SNAP25: variants seen among roughly 807,000 people sequenced by gnomAD.
The protein encoded by SNAP25 is synaptosome associated protein 25.
In SNAP25, 3 loss-of-function variants were observed where a neutral mutation model predicts 28.7. The observed-to-expected ratio is 0.10, with a 90% CI of 0.05 to 0.27. The LOEUF is 0.27. Among genes scored for constraint, SNAP25 ranks in the 10% least tolerant of loss-of-function variants. The pLI is 1.00. For missense variants in SNAP25, 117 were observed against 278.7 expected, an observed-to-expected ratio of 0.42 and a Z score of 4.13; for synonymous variants, 61 against 88.1, an observed-to-expected ratio of 0.69 and a Z score of 1.72.
At chr20:10,263,709 G>A (rs1413698032) in intron 1 of SNAP25, among the ~76,000 whole-genome samples, 2 of 152,152 alleles carry the variant, frequency 1.3e-5, no homozygotes, top group Non-Finnish European at 2.9e-5. Flanking sequence ...CATCAGTTCT[G>A]TCCTAGGATG....
At position 10,293,012 on chromosome 20, in the gene SNAP25, T is replaced by A. The variant is rs756482745; in HGVS notation, c.164-149T>A. ...GTCCTTGTAACAAGTAGGTACTGGG[T>A]ACCAGCTCTAATCTGTGGCGTCCAG... is the stretch of plus-strand genomic sequence containing the variant. On this transcript the variant is annotated intron_variant, in intron 4 of 7. Transcript: ENST00000254976. The surrounding 1 kb of genome is among the most constrained non-coding windows in gnomAD (Gnocchi z 5.6). 2 of 1,543,372 alleles carry A rather than the reference T, an allele frequency of 1.3e-6. No individual in the cohort carries two copies. Among genetic ancestry groups the A allele is most frequent in the Middle Eastern group, 3.4e-4 (2 of 5,830 alleles).
rs362594 is a variant in SNAP25 at position 10,292,322 on chromosome 20, C to T, written c.164-839C>T. On this transcript the variant is annotated intron_variant, in intron 4 of 7. Transcript: ENST00000254976. ...CTTTTACGAATTACATATGCACAAT[C>T]AAGTGCAGACCATGGCTACCTCTGG... Among the ~76,000 whole-genome samples the T allele has an allele frequency of 4.4e-3, 672 of 152,308 alleles. 1 individual carries two copies. The highest frequency in any genetic ancestry group is 0.012 in the South Asian group (58 of 4,822).
intron 1 of SNAP25, among the ~76,000 whole-genome samples, chr20:10,226,900 G>T (rs956446706): frequency 2.0e-5 from 3 of 151,982 alleles, no homozygotes; most frequent in Non-Finnish European, 4.4e-5. Flanking sequence ...TCTCCCTGTA[G>T]AGACCACTTT....
chr20:10,268,042 C>T (rs1290628014), intron 1 of SNAP25, among the ~76,000 whole-genome samples: 1 of 152,146 alleles, frequency 6.6e-6, no homozygotes, highest in African/African-American at 2.4e-5. Context: ...GCGTGTGTCA[C>T]TGAAAGTTTG....
intron 1 of SNAP25, among the ~76,000 whole-genome samples, chr20:10,225,737 G>T (rs919891567): frequency 6.6e-6 from 1 of 152,058 alleles, no homozygotes; most frequent in Non-Finnish European, 1.5e-5. Context: ...CTCCAAAGTG[G>T]CAGGTTCTAC....
At chr20:10,260,718 C>A (rs57779662) in intron 1 of SNAP25, among the ~76,000 whole-genome samples, 2,885 of 113,952 alleles carry the variant, frequency 0.025, 84 homozygotes, top group African/African-American at 0.078. Flanking sequence ...CACACACACA[C>A]ACACAAACAC....
At chr20:10,287,811 A>G (rs1211737675) in intron 4 of SNAP25, among the ~76,000 whole-genome samples, 2 of 151,864 alleles carry the variant, frequency 1.3e-5, no homozygotes, top group African/African-American at 2.4e-5. Context: ...CATATACACC[A>G]TGGAATACTA....
chr20:10,238,314 A>G (rs189639499), intron 1 of SNAP25, among the ~76,000 whole-genome samples: 2 of 152,156 alleles, frequency 1.3e-5, no homozygotes, highest in African/African-American at 4.8e-5. Context: ...GAACTGCTTG[A>G]TTTGTACATA....
intron 7 of SNAP25, among the ~76,000 whole-genome samples, chr20:10,304,596 C>A (rs1394806911): frequency 1.3e-5 from 2 of 152,120 alleles, no homozygotes; most frequent in African/African-American, 4.8e-5. Context: ...CAGTTTATAT[C>A]ATTTGTTTAC....
Position 10,279,863 on chromosome 20 carries a change from G to A in SNAP25, c.114+2137G>A, listed in dbSNP as rs138695399. ...GAGCAAAGTGTTATTAGAGTAGATT[G>A]ATTTGCTCTTACTTCCTCCTGGGTT... On this transcript the variant is annotated intron_variant, in intron 3 of 7. Transcript: ENST00000254976. Among the ~76,000 whole-genome samples, 465 of 152,332 alleles carry A rather than the reference G, an allele frequency of 3.1e-3. 3 individuals carry two copies. The highest frequency in any genetic ancestry group is 0.011 in the African/African-American group (442 of 41,578).
In SNAP25 at chr20:10,284,750, G is replaced by A. The variant is rs2123063889; in HGVS notation, c.141G>A (p.Leu47=). The change falls in exon 4 of 8, where the codon TTG becomes TTA. Residue 47 remains leucine (L), a synonymous_variant. Coordinates refer to ENST00000254976, the MANE Select transcript of SNAP25 (RefSeq NM_130811.4). Reference sequence around the variant, plus strand: ...GTAAAGATGCTGGTATCAGGACTTTGGTTATGTTGGATGAACAAGGAGGTA... The same window carrying A: ...GTAAAGATGCTGGTATCAGGACTTTAGTTATGTTGGATGAACAAGGAGGTA... ...EESKDAGIRT[L]VMLDEQGEQL... is the part of the protein sequence containing the mutation. 2 of 1,613,088 alleles carry A rather than the reference G, an allele frequency of 1.2e-6. No homozygotes were observed. The highest frequency in any genetic ancestry group is 1.7e-6 in the Non-Finnish European group (2 of 1,179,400).
chr20:10,305,913 G>A (rs1468826899), intron 7 of SNAP25, among the ~76,000 whole-genome samples: 9 of 150,290 alleles, frequency 6.0e-5, no homozygotes, highest in East Asian at 3.9e-4. Flanking sequence ...AAATATATTC[G>A]TTCATTAAAA....
chr20:10,262,515 T>C (rs1462110285), intron 1 of SNAP25, among the ~76,000 whole-genome samples: 3 of 152,208 alleles, frequency 2.0e-5, no homozygotes, highest in Non-Finnish European at 4.4e-5. Flanking sequence ...TTGTTCTTTT[T>C]CCCCTCTTTT....
chr20:10,248,370 C>T (rs1264297195), intron 1 of SNAP25, among the ~76,000 whole-genome samples: 1 of 151,972 alleles, frequency 6.6e-6, no homozygotes, highest in African/African-American at 2.4e-5. Context: ...AAAAGTAATT[C>T]GTGTTAATTG....
chr20:10,243,736 C>T (rs768868062), intron 1 of SNAP25, among the ~76,000 whole-genome samples: 4 of 152,122 alleles, frequency 2.6e-5, no homozygotes, highest in Admixed American at 6.6e-5. Flanking sequence ...GGTAATATTA[C>T]GCTCCGTTAT....
chr20:10,223,141 A>G (rs1226137227), intron 1 of SNAP25, among the ~76,000 whole-genome samples: 3 of 152,220 alleles, frequency 2.0e-5, no homozygotes, highest in Admixed American at 2.0e-4. Flanking sequence ...GAGGAAAAAG[A>G]TGGAATGGTA....
rs187000349 is a variant in SNAP25 at position 10,306,577 on chromosome 20, C to T, written c.*380C>T. Reference sequence around the variant, plus strand: ...CTGTGACATTCCACAGAGTTACTGCCACGGTCCTTTGAGTGTCAGGCTCTG... The same window carrying T: ...CTGTGACATTCCACAGAGTTACTGCTACGGTCCTTTGAGTGTCAGGCTCTG... On this transcript the variant is annotated 3_prime_UTR_variant, in exon 8 of 8. Transcript: ENST00000254976. 412 of 164,224 alleles carry T rather than the reference C, an allele frequency of 2.5e-3. 3 individuals carry two copies. The highest frequency in any genetic ancestry group is 5.2e-3 in the Admixed American group (82 of 15,720). 10.2% of individuals were successfully genotyped at this position (164,224 alleles called of 1,614,324 possible).
intron 2 of SNAP25, 112 bp from the exon 3 acceptor site, chr20:10,277,573 T>C: frequency 2.3e-6 from 2 of 867,734 alleles, no homozygotes; most frequent in Non-Finnish European, 3.6e-6. Context: ...CTGAAAAGAA[T>C]ATGTGACAGA....
chr20:10,249,118 A>G (rs1897219937), intron 1 of SNAP25, among the ~76,000 whole-genome samples: 1 of 152,258 alleles, frequency 6.6e-6, no homozygotes, highest in East Asian at 1.9e-4. Context: ...TTCATTTGAT[A>G]GCTCGTGCCT....
Sources: gnomAD v4.1 joint callset for allele counts (sites outside exome capture counted in the v4.1 genomes callset) on GRCh38, gnomAD v4.1.1 for gene constraint, Gnocchi (gnomAD v3.1) non-coding constraint, MANE v1.5 for transcripts, NCBI Gene and HGNC (gene_info 2026-07-23, HGNC 2026-07-21) for gene names.